Variants in SP3 observed in about 807,000 individuals in gnomAD.
The protein encoded by SP3 is Sp3 transcription factor.
Under a neutral mutation model 70.3 loss-of-function variants are expected in SP3, and 10 were observed. The ratio of observed to expected loss-of-function variants is 0.14; its 90% CI spans 0.09 to 0.24. The LOEUF (loss-of-function observed/expected upper bound fraction) is 0.24, where lower values mean the gene tolerates loss of function less well. Among genes scored for constraint, SP3 ranks in the 10% least tolerant of loss-of-function variants. The probability of loss-of-function intolerance (pLI) is 1.00; values close to 1 mark genes in which losing one functional copy is unlikely to be tolerated. For synonymous variants in SP3, 402 were observed against 333.5 expected (o/e 1.21, Z -2.24); for missense variants, 825 against 914.6 (o/e 0.90, Z 1.26).
chr2:173,963,908 G>A (rs1015440421), intron 2 of SP3, 25 bp from the exon 3 acceptor site: 23 of 1,447,724 alleles, frequency 1.6e-5, no homozygotes, highest in Non-Finnish European at 2.1e-5. Context: ...CGGGTTCAGA[G>A]AGGGAGACAG....
intron 4 of SP3, among the ~76,000 whole-genome samples, chr2:173,927,943 G>T (rs2105468980): frequency 6.6e-6 from 1 of 152,124 alleles, no homozygotes. Context: ...GTAATTTATG[G>T]TATCAAATAG....
In SP3 at chr2:173,955,445, A is replaced by C; in HGVS notation, c.1067T>G (p.Leu356Trp). Residue 356 changes from leucine to tryptophan, a missense_variant, in exon 4 of 7, where the codon TTG becomes TGG. Transcript: ENST00000310015. ...ATGAACCTGCCCACTAGATGTAGTC[A>C]AGCTATTTGTGTTTTGTTGTAATAT... ...TGILQQNTNS[L>W]TTSSGQVHSS... is the part of the protein sequence containing the mutation. 1 of 1,614,162 alleles carries C rather than the reference A, an allele frequency of 6.2e-7. No individual in the cohort carries two copies. Among genetic ancestry groups the C allele is most frequent in the Admixed American group, 1.7e-5 (1 of 60,008 alleles).
chr2:173,955,778 G>C lies in SP3; in HGVS notation c.734C>G (p.Ser245Cys). 6.2e-7 allele frequency: 1 copy of C among 1,614,218 alleles called. No individual in the cohort carries two copies. The highest frequency in any genetic ancestry group is 8.5e-7 in the Non-Finnish European group (1 of 1,180,040). The stretch of plus-strand genomic sequence containing the variant: ...AACTACTTGGGTTTGACCAGGAAAA[G>C]ATGAACCACCAATTGCAACTCCCTG... ...QVQGVAIGGSSFPGQTQVVAN... is the reference protein window; with the variant it reads ...QVQGVAIGGSCFPGQTQVVAN... The change falls in exon 4 of 7, where the codon TCT becomes TGT. Residue 245 changes from serine (S) to cysteine (C), a missense_variant. Ser to Cys is a moderately radical substitution (Grantham distance 112). Around this residue, in one of 4 missense-constraint regions of SP3, gnomAD observed 678 missense variants for 651.6 expected, o/e 1.04. Transcript: ENST00000310015.
intron 6 of SP3, among the ~76,000 whole-genome samples, chr2:173,912,579 A>C (rs1221326371): frequency 2.0e-5 from 3 of 152,200 alleles, no homozygotes; most frequent in Non-Finnish European, 2.9e-5. Flanking sequence ...AAAATAATAT[A>C]ATCAGAGAAA....
chr2:173,924,400 G>A (rs1226242333), intron 4 of SP3, among the ~76,000 whole-genome samples: 1 of 152,158 alleles, frequency 6.6e-6, no homozygotes, highest in African/African-American at 2.4e-5. Context: ...TTAGTAAACT[G>A]ACTAGCGAGA....
intron 4 of SP3, among the ~76,000 whole-genome samples, chr2:173,951,936 TGTTA>T (rs1425795413): frequency 2.6e-5 from 4 of 152,156 alleles, no homozygotes; most frequent in African/African-American, 9.7e-5. Context: ...AAAAAAGCTT[TGTTA>T]GTATCACTAT....
rs149943970 is a variant in SP3, at chr2:173,958,908, G to C, written c.280-2676C>G. Among the ~76,000 whole-genome samples the C allele has an allele frequency of 7.5e-4, 114 of 152,052 alleles. 1 individual carries two copies. Among genetic ancestry groups the C allele is most frequent in the African/African-American group, 2.7e-3 (110 of 41,498 alleles). On this transcript the variant is annotated intron_variant, in intron 3 of 6. Transcript: ENST00000310015. ...CCTTGCAGGGGCATAAGAATCAGAA[G>C]AAAAATATTAAATTTTATAAACTAT...
At chr2:173,964,837 CCGCTCGCTCTCACTCG>C (rs1412029532) in intron 1 of SP3, 57 of 480,914 alleles carry the variant, frequency 1.2e-4, no homozygotes, top group African/African-American at 3.7e-4. Flanking sequence ...TCCCTTCGCG[CCGCTCGCTCTCACTCG>C]CGCTCGCTCC....
Position 173,907,660 on chromosome 2 carries a change from C to T in SP3, c.*2281G>A, listed in dbSNP as rs965314461. 1 of 152,112 alleles carries T rather than the reference C, an allele frequency of 6.6e-6. No homozygotes were observed. Among genetic ancestry groups the T allele is most frequent in the Non-Finnish European group, 1.5e-5 (1 of 67,978 alleles). 9.4% of individuals were successfully genotyped at this position (152,112 alleles called of 1,614,324 possible). A position where few individuals can be genotyped will look rare whatever the true frequency, so the allele number is the denominator to read the frequency against. On this transcript the variant is annotated 3_prime_UTR_variant, in exon 7 of 7. Coordinates refer to ENST00000310015, the MANE Select transcript of SP3 (RefSeq NM_003111.5). ...TACTTAAAACATCTCTACTATCATT[C>T]AAATGGTTTAATCTGACTTAATGGG... is the stretch of plus-strand genomic sequence containing the variant.
chr2:173,920,848 C>T (rs1322403881), intron 4 of SP3, among the ~76,000 whole-genome samples: 1 of 152,100 alleles, frequency 6.6e-6, no homozygotes, highest in African/African-American at 2.4e-5. Context: ...ACCTCAGCCT[C>T]CCAAAGTGCT....
intron 3 of SP3, chr2:173,963,295 C>T (rs1007478848): frequency 3.9e-5 from 6 of 152,030 alleles, no homozygotes; most frequent in Non-Finnish European, 7.4e-5. Context: ...AGAATAAACC[C>T]TCATTTTTTT....
chr2:173,948,438 T>C (rs983989572), intron 4 of SP3, among the ~76,000 whole-genome samples: 4 of 152,132 alleles, frequency 2.6e-5, no homozygotes, highest in Middle Eastern at 3.2e-3. Flanking sequence ...CTCATTACCA[T>C]ATAGTAAAAA....
At chr2:173,946,979 T>C (rs1690561784) in intron 4 of SP3, among the ~76,000 whole-genome samples, 1 of 152,066 alleles carries the variant, frequency 6.6e-6, no homozygotes, top group Admixed American at 6.6e-5. Flanking sequence ...TGCATTGGCT[T>C]CCTAAGGTGG....
intron 4 of SP3, among the ~76,000 whole-genome samples, chr2:173,953,783 A>C (rs868246101): frequency 1.2e-4 from 12 of 98,342 alleles, no homozygotes; most frequent in Middle Eastern, 6.0e-3. Flanking sequence ...ACAAAACAAA[A>C]CAAAAAAAAA....
In SP3 at chr2:173,905,621, T is replaced by G. The variant is rs1322541524; in HGVS notation, c.*4320A>C. Among the ~76,000 whole-genome samples, 1 of 152,022 alleles carries G rather than the reference T, an allele frequency of 6.6e-6. No individual in the cohort carries two copies. The highest frequency in any genetic ancestry group is 1.5e-5 in the Non-Finnish European group (1 of 68,008). On this transcript the variant is annotated 3_prime_UTR_variant, in exon 7 of 7. Coordinates refer to ENST00000310015, the MANE Select transcript of SP3 (RefSeq NM_003111.5). ...CATGACAATATACATGACACCTTTT[T>G]AAAAAATATATTCATATCATGAAGA...
At chr2:173,932,492 T>C (rs1013785631) in intron 4 of SP3, among the ~76,000 whole-genome samples, 9 of 151,696 alleles carry the variant, frequency 5.9e-5, no homozygotes, top group African/African-American at 1.5e-4. Flanking sequence ...TGCCTGGAAC[T>C]GGCCTAGTTT....
intron 5 of SP3, 57 bp downstream of exon 5, chr2:173,918,536 A>G (rs949832569): frequency 6.7e-7 from 1 of 1,500,504 alleles, no homozygotes; most frequent in African/African-American, 1.4e-5. Context: ...CAGTATTTCA[A>G]AAATCAGAAT....
intron 3 of SP3, among the ~76,000 whole-genome samples, chr2:173,961,241 T>C (rs1308674153): frequency 6.6e-6 from 1 of 152,244 alleles, no homozygotes; most frequent in Admixed American, 6.5e-5. Flanking sequence ...TCTTCAGCAA[T>C]GTACTGTGGG....
intron 4 of SP3, among the ~76,000 whole-genome samples, chr2:173,927,804 A>C (rs528135838): frequency 6.6e-6 from 1 of 152,348 alleles, no homozygotes; most frequent in Admixed American, 6.5e-5. Context: ...GGCATCAGTT[A>C]TTTAAGATAG....
Sources: allele counts gnomAD v4.1 joint callset (sites outside exome capture counted in the v4.1 genomes callset), GRCh38; gene constraint gnomAD v4.1.1; regional missense constraint gnomAD v4.1.1; transcripts MANE v1.5; gene names NCBI Gene and HGNC (gene_info 2026-07-23, HGNC 2026-07-21).